Variants in ACACB observed in about 807,000 individuals in gnomAD.
The protein encoded by ACACB is acetyl-CoA carboxylase beta.
ACACB carries 209 observed loss-of-function variants against 278.8 expected under a neutral mutation model. That is an observed-to-expected ratio of 0.75 (90% CI 0.67 to 0.84). The LOEUF (loss-of-function observed/expected upper bound fraction) is 0.84, where lower values mean the gene tolerates loss of function less well. ACACB is among the 40% of genes least tolerant of loss of function. The pLI is 0.00. For missense variants in ACACB, 2,850 were observed against 3,269.0 expected (o/e 0.87, Z 3.13); for synonymous variants, 1,174 against 1,285.6 (o/e 0.91, Z 1.86).
intron 24 of ACACB, among the ~76,000 whole-genome samples, chr12:109,217,354 C>T (rs1421160025): frequency 4.6e-5 from 7 of 152,128 alleles, no homozygotes; most frequent in Admixed American, 6.6e-5. Flanking sequence ...TGGTCTCTGT[C>T]GTGACCACTC....
chr12:109,221,564 C>T (rs535780437), intron 24 of ACACB, among the ~76,000 whole-genome samples: 1 of 152,174 alleles, frequency 6.6e-6, no homozygotes, highest in Non-Finnish European at 1.5e-5. Flanking sequence ...CCCTCCCTCT[C>T]CTGCAAGATT....
At chr12:109,193,241 A>G (rs1224339831) in intron 15 of ACACB, among the ~76,000 whole-genome samples, 6 of 133,544 alleles carry the variant, frequency 4.5e-5, no homozygotes. Flanking sequence ...TTTTTGAGAC[A>G]TAGTCTCGCT....
At chr12:109,128,775 A>G (rs1184699606) in intron 1 of ACACB, among the ~76,000 whole-genome samples, 2 of 151,184 alleles carry the variant, frequency 1.3e-5, no homozygotes, top group Non-Finnish European at 2.9e-5. Context: ...TTAAAGCAAT[A>G]ATAGATGGAC....
intron 19 of ACACB, among the ~76,000 whole-genome samples, chr12:109,202,323 A>T (rs867682675): frequency 6.6e-6 from 1 of 150,470 alleles, no homozygotes; most frequent in Admixed American, 6.7e-5. Context: ...ATTATTATTC[A>T]TTTTTTTTTG....
At chr12:109,214,656 A>G (rs1361437149) in intron 22 of ACACB, among the ~76,000 whole-genome samples, 1 of 152,224 alleles carries the variant, frequency 6.6e-6, no homozygotes, top group East Asian at 1.9e-4. Context: ...CATTTGTATC[A>G]GAGTCTTTTA....
At chr12:109,179,806 C>T (rs2044404840) in intron 10 of ACACB, 111 bp from the exon 11 acceptor site, 9 of 1,294,652 alleles carry the variant, frequency 7.0e-6, no homozygotes, top group Non-Finnish European at 9.6e-6. Context: ...CAAAATATTT[C>T]ACATGTAGCA....
chr12:109,197,075 A>C lies in ACACB; in HGVS notation c.2549A>C (p.His850Pro), dbSNP rs1328002586. Residue 850 changes from histidine (H) to proline (P), a missense_variant, in exon 17 of 53, where the codon CAC becomes CCC. By Grantham distance (77) the His-to-Pro change is moderately conservative. Around this residue, in one of 3 missense-constraint regions of ACACB, gnomAD observed 2,265 missense variants for 2,561.3 expected, o/e 0.88. Transcript: ENST00000338432. ...MNGCHIEIDA[H>P]RLNDGGLLLS... ...GGCTGCCACATCGAGATTGATGCCC[A>C]CCGGCTGAATGATGGGGGGCTCCTG... The C allele has an allele frequency of 6.3e-7, 1 of 1,596,320 alleles. No individual in the cohort carries two copies. The highest frequency in any genetic ancestry group is 8.5e-7 in the Non-Finnish European group (1 of 1,173,232).
At chr12:109,170,535 T>C (rs552984184) in intron 4 of ACACB, among the ~76,000 whole-genome samples, 1 of 151,958 alleles carries the variant, frequency 6.6e-6, no homozygotes. Flanking sequence ...TCACAAAAAG[T>C]GAAATAAGCC....
chr12:109,139,355 G>T, intron 1 of ACACB, 42 bp from the exon 2 acceptor site: 2 of 1,550,674 alleles, frequency 1.3e-6, no homozygotes, highest in South Asian at 1.2e-5. Flanking sequence ...GAAATCACTT[G>T]ATTATGTAAA....
At chr12:109,197,196 G>A in intron 17 of ACACB, 43 bp downstream of exon 17, 3 of 1,577,776 alleles carry the variant, frequency 1.9e-6, no homozygotes, top group Non-Finnish European at 2.6e-6. Flanking sequence ...GGCATGCACA[G>A]CTCTCTGTCC....
At chr12:109,216,223 T>C (rs1349369411) in intron 22 of ACACB, among the ~76,000 whole-genome samples, 2 of 147,116 alleles carry the variant, frequency 1.4e-5, no homozygotes, top group Admixed American at 6.8e-5. Flanking sequence ...CTCTCTCTTT[T>C]TTTTTTTTTT....
chr12:109,111,877 GGAAGGGTTTA>G (rs528740570), upstream of ACACB, among the ~76,000 whole-genome samples: 262 of 152,224 alleles, frequency 1.7e-3, 1 homozygote, highest in African/African-American at 5.9e-3. Flanking sequence ...ATCTATGTAG[GGAAGGGTTTA>G]TCATTCTACA....
chr12:109,228,645 C>T (rs1261158501), intron 28 of ACACB, among the ~76,000 whole-genome samples: 8 of 141,498 alleles, frequency 5.7e-5, no homozygotes, highest in East Asian at 2.0e-4. Context: ...GGTGACAGAG[C>T]GAAACTCTGT....
chr12:109,167,166 G>T, intron 3 of ACACB, 173 bp downstream of exon 3: 1 of 763,410 alleles, frequency 1.3e-6, no homozygotes, highest in Non-Finnish European at 2.1e-6. Context: ...AAATAATAGT[G>T]AAGCCTCTTT....
chr12:109,265,947 C>T (rs1254608214), intron 52 of ACACB, among the ~76,000 whole-genome samples: 4 of 152,284 alleles, frequency 2.6e-5, no homozygotes, highest in African/African-American at 9.6e-5. Context: ...AGGAGGGAGT[C>T]GAGCACAGGG....
chr12:109,256,482 C>G (rs1024493268), intron 45 of ACACB, among the ~76,000 whole-genome samples: 2 of 152,210 alleles, frequency 1.3e-5, no homozygotes, highest in Non-Finnish European at 2.9e-5. Flanking sequence ...CTAACAACCC[C>G]TTTGGGCATC....
chr12:109,169,142 C>CAAAAA (rs34104231), intron 4 of ACACB, among the ~76,000 whole-genome samples: 75 of 105,598 alleles, frequency 7.1e-4, no homozygotes, highest in South Asian at 1.1e-3. Context: ...GAGACTGTCT[C>CAAAAA]AAAAAAAAAA....
chr12:109,137,286 AGTACTTGGATTGTT>A (rs1235119063), intron 1 of ACACB, among the ~76,000 whole-genome samples: 2 of 152,230 alleles, frequency 1.3e-5, no homozygotes, highest in Admixed American at 1.3e-4. Context: ...GTGTGTAAGA[AGTACTTGGATTGTT>A]TAGTTCTGGG....
At position 109,241,110 on chromosome 12, in the gene ACACB, C is replaced by T. The variant is rs779382979; in HGVS notation, c.4851C>T (p.Arg1617=). Residue 1617 remains arginine (R), a synonymous_variant, in exon 36 of 53, where the codon CGC becomes CGT. Coordinates refer to ENST00000338432, the MANE Select transcript of ACACB (RefSeq NM_001093.4). The part of the protein sequence containing the change: ...IEESVRYMVM[R]YGSRLWKLRV... ...AGTCCGTGCGCTACATGGTTATGCGCTACGGCAGCCGGCTGTGGAAACTCC... is the reference window on the plus strand; with the variant it reads ...AGTCCGTGCGCTACATGGTTATGCGTTACGGCAGCCGGCTGTGGAAACTCC... The T allele has an allele frequency of 1.9e-6, 3 of 1,614,134 alleles. No homozygotes were observed.
Sources: allele counts gnomAD v4.1 joint callset (sites outside exome capture counted in the v4.1 genomes callset), GRCh38; gene constraint gnomAD v4.1.1; regional missense constraint gnomAD v4.1.1; transcripts MANE v1.5; gene names NCBI Gene and HGNC (gene_info 2026-07-23, HGNC 2026-07-21).